FAAH2: variants seen among roughly 807,000 people sequenced by gnomAD.
The protein encoded by FAAH2 is fatty-acid amide hydrolase 2.
A neutral mutation model predicts 36.9 loss-of-function variants in FAAH2; 60 were observed. The ratio of observed to expected loss-of-function variants is 1.63; its 90% CI spans 1.32 to 2.02. FAAH2 has a LOEUF of 2.02. Among genes scored for constraint, FAAH2 ranks in the 30% most tolerant of loss-of-function variants. The pLI is 0.00. For synonymous variants in FAAH2, 214 were observed against 143.8 expected, an observed-to-expected ratio of 1.49 and a Z score of -3.49; for missense variants, 689 against 397.5, an observed-to-expected ratio of 1.73 and a Z score of -6.23.
intron 5 of FAAH2, among the ~76,000 whole-genome samples, chrX:57,366,563 G>C (rs1300473409): frequency 8.9e-6 from 1 of 112,442 alleles, no homozygotes; most frequent in African/African-American, 3.2e-5. Context: ...ATGCCTGCAG[G>C]GTGGTGTGTT....
At chrX:57,386,027 G>A (rs2055014911) in intron 7 of FAAH2, among the ~76,000 whole-genome samples, 2 of 111,709 alleles carry the variant, frequency 1.8e-5, no homozygotes, top group Admixed American at 1.9e-4. Context: ...TAAAAACTCA[G>A]TGGATTTTTA....
intron 10 of FAAH2, among the ~76,000 whole-genome samples, chrX:57,486,268 A>T (rs188105739): frequency 9.0e-6 from 1 of 111,696 alleles, no homozygotes. Flanking sequence ...ATATTCATGG[A>T]TCAGCACTTG....
At position 57,405,956 on chromosome X, in the gene FAAH2, A is replaced by G. The variant is rs2055557915; in HGVS notation, c.996+24927A>G. Among the ~76,000 whole-genome samples the G allele has an allele frequency of 2.8e-5, 3 of 108,562 alleles. No individual in the cohort carries two copies. The Admixed American group carries it at 3.0e-4, about 11-fold the overall frequency. 94.3% of individuals were successfully genotyped at this position (108,562 alleles called of 115,157 possible). ...CTTTATCTGTCATTTCAAAGTGTTC[A>G]TTTTGGTTAGGATCCATTGCTATGG... On this transcript the variant is annotated intron_variant, in intron 7 of 10. Transcript: ENST00000374900.
At chrX:57,317,104 A>G (rs1244675892) in intron 3 of FAAH2, among the ~76,000 whole-genome samples, 1 of 112,155 alleles carries the variant, frequency 8.9e-6, no homozygotes, top group South Asian at 3.6e-4. Context: ...ACTCAAAAGA[A>G]GACAGACAAG....
At chrX:57,378,943 T>C (rs2054762056) in intron 6 of FAAH2, among the ~76,000 whole-genome samples, 157 bp downstream of exon 6, 1 of 112,310 alleles carries the variant, frequency 8.9e-6, no homozygotes, top group Non-Finnish European at 1.9e-5. Context: ...GTGGATACCA[T>C]GCTTCACAAA....
At position 57,419,158 on chromosome X, in the gene FAAH2, A is replaced by C. The variant is rs1279792963; in HGVS notation, c.997-12760A>C. ...TTGGTTCCAAGTCTTTGCTATTGTG[A>C]ATAGTGCCACAATAAACATATATGT... On this transcript the variant is annotated intron_variant, in intron 7 of 10. Coordinates refer to ENST00000374900, the MANE Select transcript of FAAH2 (RefSeq NM_174912.4). Among the ~76,000 whole-genome samples, 4 of 110,432 alleles carry C rather than the reference A, an allele frequency of 3.6e-5. No individual in the cohort carries two copies. In the East Asian group the frequency reaches 1.1e-3, roughly 32 times the overall value.
the FAAH2 span, among the ~76,000 whole-genome samples, chrX:57,219,863 C>CTTTTTTTTTTTTT: frequency 2.0e-4 from 7 of 35,633 alleles, no homozygotes; most frequent in African/African-American, 5.7e-4. Context: ...AGCGCCTTGT[C>CTTTTTTTTTTTTT]TTTTTTTTTT....
the FAAH2 span, among the ~76,000 whole-genome samples, chrX:57,208,502 A>C: frequency 8.9e-6 from 1 of 111,819 alleles, no homozygotes; most frequent in East Asian, 2.8e-4. Context: ...TCGCTCTGGC[A>C]ACCCTTCAAC....
intron 7 of FAAH2, among the ~76,000 whole-genome samples, chrX:57,396,350 T>G (rs1433453093): frequency 5.4e-5 from 6 of 110,628 alleles, no homozygotes; most frequent in Non-Finnish European, 9.5e-5. Context: ...GTTATTTCTT[T>G]TATTCTGCTA....
chrX:57,300,679 A>C (rs1198127780), intron 2 of FAAH2, among the ~76,000 whole-genome samples: 1 of 111,867 alleles, frequency 8.9e-6, no homozygotes, highest in African/African-American at 3.3e-5. Context: ...GGCAACCTAC[A>C]AAATGGGAGA....
At chrX:57,271,516 T>C in the FAAH2 span, among the ~76,000 whole-genome samples, 2 of 111,884 alleles carry the variant, frequency 1.8e-5, no homozygotes, top group African/African-American at 6.5e-5. Context: ...ACAGGAGAGC[T>C]CTGGCTGGCA....
intron 7 of FAAH2, among the ~76,000 whole-genome samples, chrX:57,400,477 G>A (rs2055405980): frequency 8.9e-6 from 1 of 112,332 alleles, no homozygotes; most frequent in African/African-American, 3.2e-5. Context: ...GCTTAACACT[G>A]GGACTTGGGT....
the FAAH2 span, among the ~76,000 whole-genome samples, chrX:57,213,775 T>C: frequency 1.8e-5 from 2 of 111,846 alleles, no homozygotes; most frequent in African/African-American, 6.5e-5. Context: ...ATGTCCCACG[T>C]GCTGGTAATA....
chrX:57,480,249 C>A (rs73626277), intron 10 of FAAH2, among the ~76,000 whole-genome samples: 1 of 111,770 alleles, frequency 8.9e-6, no homozygotes, highest in South Asian at 3.7e-4. Context: ...AGAATCCTTC[C>A]TAACTCATTT....
chrX:57,302,163 A>T (rs2052392214), intron 2 of FAAH2, among the ~76,000 whole-genome samples: 2 of 111,737 alleles, frequency 1.8e-5, no homozygotes, highest in South Asian at 7.5e-4. Flanking sequence ...GAGTCCAGAG[A>T]TGTCAAGACT....
At chrX:57,438,750 C>T (rs1320649112) in intron 8 of FAAH2, among the ~76,000 whole-genome samples, 1 of 82,984 alleles carries the variant, frequency 1.2e-5, no homozygotes, top group Non-Finnish European at 2.4e-5. Flanking sequence ...ATCCCTCCCC[C>T]CTCCCCCCAC....
chrX:57,169,469 A>G, the FAAH2 span, among the ~76,000 whole-genome samples: 1 of 58,278 alleles, frequency 1.7e-5, no homozygotes, highest in South Asian at 1.0e-3. Context: ...CCTAGGCTAT[A>G]ATTTCCAGTT....
chrX:57,416,494 G>C (rs748946566), intron 7 of FAAH2, among the ~76,000 whole-genome samples: 5 of 111,740 alleles, frequency 4.5e-5, no homozygotes, highest in Non-Finnish European at 9.4e-5. Context: ...ATGAAGCTTT[G>C]TTTAGCTGGA....
At chrX:57,481,119 T>C (rs1015393090) in intron 10 of FAAH2, among the ~76,000 whole-genome samples, 1 of 110,461 alleles carries the variant, frequency 9.1e-6, no homozygotes, top group Non-Finnish European at 1.9e-5. Flanking sequence ...TCTAAGTTGG[T>C]TATTTAAGTT....
Sources: allele counts gnomAD v4.1 joint callset (sites outside exome capture counted in the v4.1 genomes callset), GRCh38; gene constraint gnomAD v4.1.1; transcripts MANE v1.5; gene names NCBI Gene and HGNC (gene_info 2026-07-23, HGNC 2026-07-21).